The following MIPOL1 variants were observed in gnomAD, a reference collection of about 807,000 sequenced individuals.
MIPOL1 encodes the protein mirror-image polydactyly 1, also known as mirror-image polydactyly gene 1 protein.
In MIPOL1, 57 loss-of-function variants were observed where a neutral mutation model predicts 60.9. The ratio of observed to expected loss-of-function variants is 0.94; its 90% CI spans 0.76 to 1.17. MIPOL1 has a LOEUF of 1.17. Ranked by LOEUF, MIPOL1 falls within the 50% of genes most tolerant of loss-of-function variation. MIPOL1 has a pLI of 0.00. For missense variants in MIPOL1, 551 were observed against 511.6 expected, an observed-to-expected ratio of 1.08 and a Z score of -0.74; for synonymous variants, 179 against 168.8, an observed-to-expected ratio of 1.06 and a Z score of -0.47.
chr14:37,535,235 A>G (rs2095500740), intron 12 of MIPOL1, among the ~76,000 whole-genome samples: 1 of 152,134 alleles, frequency 6.6e-6, no homozygotes, highest in African/African-American at 2.4e-5. Flanking sequence ...AATGTTTAAA[A>G]TATAGGTAAT....
At chr14:37,255,817 A>G (rs1333023207) in intron 3 of MIPOL1, among the ~76,000 whole-genome samples, 1 of 151,852 alleles carries the variant, frequency 6.6e-6, no homozygotes. Flanking sequence ...TGCAAACTAA[A>G]AAGTGATTAT....
chr14:37,498,713 G>T (rs922490486), intron 11 of MIPOL1, among the ~76,000 whole-genome samples: 1 of 152,102 alleles, frequency 6.6e-6, no homozygotes, highest in Admixed American at 6.6e-5. Flanking sequence ...GTAACAGTCC[G>T]TATTCTTAGG....
intron 9 of MIPOL1, among the ~76,000 whole-genome samples, chr14:37,328,533 T>C (rs908587282): frequency 2.6e-5 from 4 of 152,198 alleles, no homozygotes; most frequent in African/African-American, 9.6e-5. Context: ...TAAAAAAATA[T>C]GCAAAATTCA....
intron 11 of MIPOL1, among the ~76,000 whole-genome samples, chr14:37,490,528 T>C (rs769265932): frequency 1.3e-5 from 2 of 152,094 alleles, no homozygotes; most frequent in Non-Finnish European, 2.9e-5. Flanking sequence ...TAGCTCGGTG[T>C]CTGCCCAAAC....
In MIPOL1 at chr14:37,526,528, C is replaced by G. The variant is rs534865995; in HGVS notation, c.1263-20377C>G. 1.9e-3 allele frequency among the ~76,000 whole-genome samples: 284 copies of G among 150,668 alleles called. 1 individual carries two copies. Among genetic ancestry groups the G allele is most frequent in the Non-Finnish European group, 3.2e-3 (218 of 67,748 alleles). On this transcript the variant is annotated intron_variant, in intron 12 of 12. Coordinates refer to ENST00000684589, the MANE Select transcript of MIPOL1 (RefSeq NM_001388067.1). ...GGGACTACAGGCGCCCGCCACCACA[C>G]CTGGCTAATTTTTTGTATTTTTTTT...
At chr14:37,216,244 A>G (rs117030889) in intron 1 of MIPOL1, among the ~76,000 whole-genome samples, 3,586 of 152,234 alleles carry the variant, frequency 0.024, 124 homozygotes, top group Admixed American at 0.089. Flanking sequence ...AACAATTTAA[A>G]ATATATATGC....
intron 9 of MIPOL1, among the ~76,000 whole-genome samples, chr14:37,353,508 A>T (rs2091565598): frequency 6.6e-6 from 1 of 152,124 alleles, no homozygotes; most frequent in African/African-American, 2.4e-5. Flanking sequence ...TACCTCTGGT[A>T]GAATTCGGCT....
chr14:37,411,136 T>C (rs1460082608), intron 10 of MIPOL1, among the ~76,000 whole-genome samples: 1 of 152,148 alleles, frequency 6.6e-6, no homozygotes, highest in Non-Finnish European at 1.5e-5. Flanking sequence ...AGACAAACAC[T>C]ATTCAAAAGA....
chr14:37,428,996 T>C (rs2094013912), intron 11 of MIPOL1, among the ~76,000 whole-genome samples: 1 of 152,172 alleles, frequency 6.6e-6, no homozygotes, highest in African/African-American at 2.4e-5. Context: ...TTCCACATAT[T>C]ATAAAAGTGC....
Position 37,541,424 on chromosome 14 carries a change from C to T in MIPOL1, c.1263-5481C>T, listed in dbSNP as rs866120519. Among the ~76,000 whole-genome samples, 5 of 152,156 alleles carry T rather than the reference C, an allele frequency of 3.3e-5. No homozygotes were observed. In the South Asian group the frequency reaches 8.3e-4, roughly 25 times the overall value. On this transcript the variant is annotated intron_variant, in intron 12 of 12. Coordinates refer to ENST00000684589, the MANE Select transcript of MIPOL1 (RefSeq NM_001388067.1). ...CCTGTAAGTCATAAACTCTGAGTTACTTCTATAACTTGCTTTCCGCAAACC... is the reference window on the plus strand; with the variant it reads ...CCTGTAAGTCATAAACTCTGAGTTATTTCTATAACTTGCTTTCCGCAAACC...
intron 9 of MIPOL1, among the ~76,000 whole-genome samples, chr14:37,329,895 A>G (rs1266132150): frequency 6.6e-6 from 1 of 152,116 alleles, no homozygotes; most frequent in African/African-American, 2.4e-5. Flanking sequence ...TTAAGAACCA[A>G]CTCATTACAA....
intron 1 of MIPOL1, among the ~76,000 whole-genome samples, chr14:37,230,816 G>A (rs1260607940): frequency 6.6e-6 from 1 of 152,134 alleles, no homozygotes; most frequent in Non-Finnish European, 1.5e-5. Flanking sequence ...TTGTGCTACT[G>A]CATGGCAAAC....
intron 11 of MIPOL1, among the ~76,000 whole-genome samples, chr14:37,481,463 A>G (rs2094863380): frequency 6.6e-6 from 1 of 152,058 alleles, no homozygotes; most frequent in South Asian, 2.1e-4. Flanking sequence ...ATCTACCCAA[A>G]ATGATATACA....
intron 9 of MIPOL1, among the ~76,000 whole-genome samples, chr14:37,322,796 T>G (rs531355126): frequency 1.1e-4 from 17 of 152,276 alleles, no homozygotes; most frequent in African/African-American, 4.1e-4. Flanking sequence ...TATCTGTTCA[T>G]ATCCTTTGCC....
intron 12 of MIPOL1, among the ~76,000 whole-genome samples, chr14:37,542,666 T>TCCTTCCATA (rs2095534150): frequency 6.6e-6 from 1 of 152,200 alleles, no homozygotes; most frequent in Admixed American, 6.5e-5. Flanking sequence ...ACCTTTCCTC[T>TCCTTCCATA]CCTTCCATAC....
intron 6 of MIPOL1, among the ~76,000 whole-genome samples, chr14:37,274,532 C>A (rs747126742): frequency 2.0e-5 from 3 of 151,396 alleles, no homozygotes; most frequent in African/African-American, 4.8e-5. Context: ...CTGTGTTAGA[C>A]ACTGAATATA....
intron 7 of MIPOL1, among the ~76,000 whole-genome samples, chr14:37,297,371 A>G (rs1369737235): frequency 1.3e-5 from 2 of 152,192 alleles, no homozygotes; most frequent in Non-Finnish European, 2.9e-5. Context: ...AAAAACTGGA[A>G]GCATTCCCTT....
chr14:37,297,014 TTA>T (rs2085790279), intron 7 of MIPOL1, among the ~76,000 whole-genome samples: 1 of 152,146 alleles, frequency 6.6e-6, no homozygotes, highest in Non-Finnish European at 1.5e-5. Context: ...AAAGAGAATT[TTA>T]GACCAATATC....
At chr14:37,298,755 C>A (rs1186907590) in intron 7 of MIPOL1, among the ~76,000 whole-genome samples, 1 of 151,940 alleles carries the variant, frequency 6.6e-6, no homozygotes, top group African/African-American at 2.4e-5. Context: ...GAGATACCAT[C>A]TCACACCAGT....
Sources: allele counts gnomAD v4.1 joint callset (sites outside exome capture counted in the v4.1 genomes callset), GRCh38; gene constraint gnomAD v4.1.1; transcripts MANE v1.5; gene names NCBI Gene and HGNC (gene_info 2026-07-23, HGNC 2026-07-21).